RBFOX1: variants seen among roughly 807,000 people sequenced by gnomAD.
RBFOX1 encodes RNA binding protein fox-1 homolog 1.
RBFOX1 carries 8 observed loss-of-function variants against 57.7 expected under a neutral mutation model. The ratio of observed to expected loss-of-function variants is 0.14; its 90% CI spans 0.08 to 0.25. The LOEUF is 0.25. Ranked by LOEUF, RBFOX1 falls within the 10% of genes least tolerant of loss-of-function variation. RBFOX1 has a pLI of 1.00. For synonymous variants in RBFOX1, 326 were observed against 222.4 expected (o/e 1.47, Z -4.15); for missense variants, 611 against 548.5 (o/e 1.11, Z -1.14).
At chr16:7,461,742 G>A (rs889112466) in intron 4 of RBFOX1, among the ~76,000 whole-genome samples, 1 of 152,188 alleles carries the variant, frequency 6.6e-6, no homozygotes, top group Non-Finnish European at 1.5e-5. Context: ...GGGGCTCACA[G>A]AGGTTAAGAG....
At chr16:6,974,768 A>C (rs1434985540) in intron 3 of RBFOX1, among the ~76,000 whole-genome samples, 3 of 152,128 alleles carry the variant, frequency 2.0e-5, no homozygotes, top group African/African-American at 7.2e-5. Context: ...AGGCACCAGA[A>C]AACCCCCTGT....
At chr16:6,190,856 G>A (rs905256637) in intron 1 of RBFOX1, among the ~76,000 whole-genome samples, 1 of 152,168 alleles carries the variant, frequency 6.6e-6, no homozygotes, top group Non-Finnish European at 1.5e-5. Flanking sequence ...TTTAAACCGA[G>A]TTGGGAGAAA....
At chr16:7,523,976 T>C (rs3785268) in intron 5 of RBFOX1, among the ~76,000 whole-genome samples, 25,934 of 152,076 alleles carry the variant, frequency 0.17, 2,785 homozygotes, top group East Asian at 0.36. Context: ...GAACTATGGT[T>C]CTCCCCACCC....
chr16:5,447,617 C>G (rs1017685592), intron 1 of RBFOX1, among the ~76,000 whole-genome samples: 2 of 152,176 alleles, frequency 1.3e-5, no homozygotes, highest in Non-Finnish European at 2.9e-5. Context: ...AGGCTGATGT[C>G]AAACTCCTGA....
chr16:6,528,862 C>A (rs527665475), intron 2 of RBFOX1, among the ~76,000 whole-genome samples: 1 of 152,284 alleles, frequency 6.6e-6, no homozygotes, highest in South Asian at 2.1e-4. Context: ...AAAAATGTCT[C>A]CAGGCATTCC....
chr16:7,650,234 A>G (rs1597308499), intron 11 of RBFOX1, among the ~76,000 whole-genome samples: 1 of 151,894 alleles, frequency 6.6e-6, no homozygotes, highest in South Asian at 2.1e-4. Flanking sequence ...CACTGAAAAT[A>G]CCAACCACCC....
chr16:6,609,367 CAG>C (rs1193352041), intron 2 of RBFOX1, among the ~76,000 whole-genome samples: 1 of 151,900 alleles, frequency 6.6e-6, no homozygotes, highest in Non-Finnish European at 1.5e-5. Flanking sequence ...TTTTTTGAGA[CAG>C]GGTCTCACTC....
chr16:6,426,085 C>T (rs1005165571), intron 2 of RBFOX1, among the ~76,000 whole-genome samples: 64 of 141,554 alleles, frequency 4.5e-4, no homozygotes, highest in African/African-American at 1.6e-3. Context: ...TCATTTTCTC[C>T]CTCTCTCTCT....
chr16:5,586,688 G>A (rs2046840205), intron 2 of RBFOX1, among the ~76,000 whole-genome samples: 1 of 152,118 alleles, frequency 6.6e-6, no homozygotes, highest in Non-Finnish European at 1.5e-5. Flanking sequence ...CTGTAGAGAG[G>A]GGAACTTGCT....
chr16:7,175,176 T>A (rs1341580959), intron 4 of RBFOX1, among the ~76,000 whole-genome samples: 1 of 152,074 alleles, frequency 6.6e-6, no homozygotes, highest in Non-Finnish European at 1.5e-5. Flanking sequence ...CATTAGCTCT[T>A]TTTCCTAATA....
intron 1 of RBFOX1, among the ~76,000 whole-genome samples, chr16:6,295,140 T>A (rs2077955477): frequency 7.1e-6 from 1 of 140,926 alleles, no homozygotes; most frequent in African/African-American, 2.7e-5. Context: ...ACGGGGTATC[T>A]CTCTGTCGGA....
At chr16:5,582,962 T>C (rs2046721281) in intron 2 of RBFOX1, among the ~76,000 whole-genome samples, 1 of 152,238 alleles carries the variant, frequency 6.6e-6, no homozygotes, top group African/African-American at 2.4e-5. Flanking sequence ...CCAGGCTCTA[T>C]TGTGAGACCT....
At chr16:6,095,817 G>A (rs1449585218) in intron 1 of RBFOX1, among the ~76,000 whole-genome samples, 1 of 152,184 alleles carries the variant, frequency 6.6e-6, no homozygotes, top group Non-Finnish European at 1.5e-5. Flanking sequence ...TACCAACAGT[G>A]CCTGGTTTTC....
At chr16:6,719,973 AATC>A (rs1568344945) in intron 3 of RBFOX1, among the ~76,000 whole-genome samples, 1 of 151,892 alleles carries the variant, frequency 6.6e-6, no homozygotes, top group East Asian at 2.0e-4. Flanking sequence ...AGGCGTCTAT[AATC>A]CCAGCTACCT....
chr16:5,251,082 G>A (rs1334125230), intron 1 of RBFOX1, among the ~76,000 whole-genome samples: 1 of 151,960 alleles, frequency 6.6e-6, no homozygotes, highest in East Asian at 1.9e-4. Context: ...TGGGGTGGGG[G>A]GGTCCCAGCC....
At chr16:5,604,983 G>T (rs550757156), downstream of RBFOX1, among the ~76,000 whole-genome samples, 14 of 152,314 alleles carry the variant, frequency 9.2e-5, no homozygotes, top group South Asian at 2.9e-3. Context: ...TTGTTCAGAG[G>T]GATGGAAGTG....
chr16:5,485,197 T>A (rs1441671136), intron 2 of RBFOX1, among the ~76,000 whole-genome samples: 1 of 151,498 alleles, frequency 6.6e-6, no homozygotes, highest in Non-Finnish European at 1.5e-5. Flanking sequence ...ATACAAAAAA[T>A]TAGCCTGGCG....
At chr16:6,259,997 C>A (rs955361589) in intron 1 of RBFOX1, among the ~76,000 whole-genome samples, 8 of 151,376 alleles carry the variant, frequency 5.3e-5, no homozygotes, top group African/African-American at 1.9e-4. Flanking sequence ...TAAGTCCATT[C>A]CCACTTTCAA....
chr16:7,282,962 C>CTG (rs1184239677), intron 4 of RBFOX1, among the ~76,000 whole-genome samples: 2 of 152,198 alleles, frequency 1.3e-5, no homozygotes, highest in East Asian at 3.9e-4. Context: ...GTTTGTGTAT[C>CTG]TGTGTGTGTG....
Sources: gnomAD v4.1 joint callset for allele counts (sites outside exome capture counted in the v4.1 genomes callset) on GRCh38, gnomAD v4.1.1 for gene constraint, MANE v1.5 for transcripts, NCBI Gene and HGNC (gene_info 2026-07-23, HGNC 2026-07-21) for gene names.